The following HMGN5 variants were observed in gnomAD, a reference collection of about 807,000 sequenced individuals.
HMGN5 encodes the protein high mobility group nucleosome binding domain 5.
Under a neutral mutation model 9.5 loss-of-function variants are expected in HMGN5, and 4 were observed. The ratio of observed to expected loss-of-function variants is 0.42; its 90% CI spans 0.21 to 0.96. The LOEUF is 0.96. HMGN5 is among the 40% of genes least tolerant of loss of function. The pLI is 0.30. For synonymous variants in HMGN5, 55 were observed against 57.1 expected (o/e 0.96, Z 0.16); for missense variants, 192 against 187.5 (o/e 1.02, Z -0.14).
At chrX:81,117,911 T>C (rs1446617615) in intron 5 of HMGN5, among the ~76,000 whole-genome samples, 1 of 110,565 alleles carries the variant, frequency 9.0e-6, no homozygotes, top group African/African-American at 3.3e-5. Flanking sequence ...TGAGATTATA[T>C]CTATTTCTAC....
chrX:81,190,529 T>C (rs2075491206), intron 1 of HMGN5, among the ~76,000 whole-genome samples: 2 of 111,215 alleles, frequency 1.8e-5, no homozygotes, highest in South Asian at 3.7e-4. Flanking sequence ...ATCTACTCTC[T>C]ATCTAAATAA....
intron 1 of HMGN5, among the ~76,000 whole-genome samples, chrX:81,189,318 G>GT (rs961419015): frequency 2.7e-5 from 3 of 110,798 alleles, no homozygotes; most frequent in African/African-American, 9.8e-5. Context: ...GTTTTTTATT[G>GT]TTTTTTATTT....
At chrX:81,188,703 G>A (rs180988374) in intron 1 of HMGN5, among the ~76,000 whole-genome samples, 1,217 of 107,189 alleles carry the variant, frequency 0.011, 18 homozygotes, top group African/African-American at 0.039. Flanking sequence ...TTCAATTCCC[G>A]CCTATGAGTG....
chrX:81,183,171 T>G (rs1204174888), intron 1 of HMGN5, among the ~76,000 whole-genome samples: 2 of 111,679 alleles, frequency 1.8e-5, no homozygotes, highest in African/African-American at 3.3e-5. Context: ...GTTTGGAAAA[T>G]TTGCAGCCTG....
At chrX:81,188,026 CTTT>C (rs201150749) in intron 1 of HMGN5, among the ~76,000 whole-genome samples, 1 of 110,024 alleles carries the variant, frequency 9.1e-6, no homozygotes, top group Non-Finnish European at 1.9e-5. Context: ...AACTTCATTC[CTTT>C]TTTTTAACTT....
At chrX:81,168,757 T>A (rs2075417794) in intron 1 of HMGN5, among the ~76,000 whole-genome samples, 1 of 112,018 alleles carries the variant, frequency 8.9e-6, no homozygotes, top group African/African-American at 3.2e-5. Context: ...AGGATGGATC[T>A]AATACAGCGG....
intron 1 of HMGN5, among the ~76,000 whole-genome samples, chrX:81,195,682 A>C (rs1223031942): frequency 9.0e-6 from 1 of 111,622 alleles, no homozygotes; most frequent in Non-Finnish European, 1.9e-5. Flanking sequence ...AGAGTGGGGC[A>C]GTAACCCTTA....
chrX:81,126,405 T>C (rs2075283669), intron 1 of HMGN5, among the ~76,000 whole-genome samples: 1 of 111,424 alleles, frequency 9.0e-6, no homozygotes, highest in South Asian at 3.8e-4. Flanking sequence ...TAAACTTGTA[T>C]TCTCTAGTCA....
At chrX:81,138,724 A>G (rs930449600) in intron 1 of HMGN5, among the ~76,000 whole-genome samples, 1 of 111,656 alleles carries the variant, frequency 9.0e-6, no homozygotes, top group Admixed American at 9.6e-5. Context: ...ATGATTGTTT[A>G]CATAGAAAAT....
At chrX:81,167,022 G>A (rs1293395521) in intron 1 of HMGN5, among the ~76,000 whole-genome samples, 1 of 111,301 alleles carries the variant, frequency 9.0e-6, no homozygotes, top group Non-Finnish European at 1.9e-5. Flanking sequence ...GGCATAAGTG[G>A]GTGGTGATGT....
chrX:81,181,269 A>G (rs1169221839), intron 1 of HMGN5, among the ~76,000 whole-genome samples: 1 of 111,594 alleles, frequency 9.0e-6, no homozygotes, highest in African/African-American at 3.3e-5. Context: ...TTCATTATTA[A>G]TTAAAATTTA....
chrX:81,187,365 A>G (rs1361289986), intron 1 of HMGN5, among the ~76,000 whole-genome samples: 1 of 111,659 alleles, frequency 9.0e-6, no homozygotes, highest in Non-Finnish European at 1.9e-5. Flanking sequence ...TTTGTTTTAT[A>G]TATCTGGGTA....
chrX:81,153,426 C>A (rs377471884), intron 1 of HMGN5, among the ~76,000 whole-genome samples: 1 of 100,294 alleles, frequency 1.0e-5, no homozygotes, highest in African/African-American at 3.6e-5. Context: ...TTGTGGCCCA[C>A]GCCTGTAATC....
chrX:81,154,281 A>C (rs2147565941), intron 1 of HMGN5, among the ~76,000 whole-genome samples: 1 of 111,725 alleles, frequency 9.0e-6, no homozygotes, highest in Non-Finnish European at 1.9e-5. Context: ...TCTCTTCAAT[A>C]TATGGTGCTG....
At chrX:81,186,581 T>C (rs868187800) in intron 1 of HMGN5, among the ~76,000 whole-genome samples, 1 of 112,119 alleles carries the variant, frequency 8.9e-6, no homozygotes, top group Non-Finnish European at 1.9e-5. Context: ...TATTATTTTG[T>C]TCATTTCATA....
intron 1 of HMGN5, among the ~76,000 whole-genome samples, chrX:81,155,110 C>T (rs1265665547): frequency 2.1e-4 from 19 of 90,854 alleles, no homozygotes; most frequent in Non-Finnish European, 3.9e-4. Flanking sequence ...TATACACACA[C>T]ACATACACAT....
chrX:81,177,207 T>TA (rs1008230402), intron 1 of HMGN5, among the ~76,000 whole-genome samples: 2 of 105,637 alleles, frequency 1.9e-5, no homozygotes, highest in South Asian at 4.3e-4. Flanking sequence ...ACTAAAATAT[T>TA]AAAAAAAAAT....
At chrX:81,158,606 C>CT (rs1258672871) in intron 1 of HMGN5, among the ~76,000 whole-genome samples, 1 of 112,283 alleles carries the variant, frequency 8.9e-6, no homozygotes, top group African/African-American at 3.2e-5. Context: ...TTCTCCCACT[C>CT]TGTAGGTTGC....
chrX:81,190,491 C>T (rs1219038315), intron 1 of HMGN5, among the ~76,000 whole-genome samples: 1 of 110,987 alleles, frequency 9.0e-6, no homozygotes, highest in Non-Finnish European at 1.9e-5. Flanking sequence ...CTTCCCAAAC[C>T]CTCACCACCA....
Sources: gnomAD v4.1 joint callset for allele counts (sites outside exome capture counted in the v4.1 genomes callset) on GRCh38, gnomAD v4.1.1 for gene constraint, MANE v1.5 for transcripts, NCBI Gene and HGNC (gene_info 2026-07-23, HGNC 2026-07-21) for gene names.